PRDM16: variants seen among roughly 807,000 people sequenced by gnomAD.
PRDM16 encodes the protein histone-lysine N-methyltransferase PRDM16.
A neutral mutation model predicts 110.6 loss-of-function variants in PRDM16; 23 were observed. That is an observed-to-expected ratio of 0.21 (90% CI 0.15 to 0.29). The LOEUF is 0.29. PRDM16 is among the 10% of genes least tolerant of loss of function. The pLI is 1.00. For missense variants in PRDM16, 1,615 were observed against 1,794.3 expected (o/e 0.90, Z 1.81); for synonymous variants, 799 against 781.8 (o/e 1.02, Z -0.37).
intron 1 of PRDM16, among the ~76,000 whole-genome samples, chr1:3,071,974 C>T (rs1385735310): frequency 2.0e-5 from 3 of 152,142 alleles, no homozygotes; most frequent in East Asian, 1.9e-4. Context: ...GTGGCGGCTC[C>T]GGGGGTGACC....
At chr1:3,134,897 C>T (rs924737329) in intron 1 of PRDM16, among the ~76,000 whole-genome samples, 1 of 152,184 alleles carries the variant, frequency 6.6e-6, no homozygotes, top group Non-Finnish European at 1.5e-5. Context: ...GAGAGCCCGG[C>T]GAGGGGATCG....
At chr1:3,188,045 G>C (rs1557515593) in intron 2 of PRDM16, among the ~76,000 whole-genome samples, 1 of 152,184 alleles carries the variant, frequency 6.6e-6, no homozygotes, top group Non-Finnish European at 1.5e-5. Flanking sequence ...GACAGGGAGA[G>C]AGTTTGGAGT....
At chr1:3,409,834 G>GGTGTGTGGTGTGTGTATGTGGGT in intron 8 of PRDM16, among the ~76,000 whole-genome samples, 1 of 125,800 alleles carries the variant, frequency 7.9e-6, no homozygotes, top group Non-Finnish European at 1.7e-5. Flanking sequence ...GTTGTGTGTG[G>GGTGTGTGGTGTGTGTATGTGGGT]GTGTGTGGTG....
intron 1 of PRDM16, among the ~76,000 whole-genome samples, chr1:3,181,220 AGTCTTACACACG>A (rs1464338605): frequency 0.088 from 4,182 of 47,542 alleles, 267 homozygotes; most frequent in Non-Finnish European, 0.15. Context: ...TTACACACGC[AGTCTTACACACG>A]GTCTTACACA....
At chr1:3,298,149 G>T (rs1641130260) in intron 3 of PRDM16, among the ~76,000 whole-genome samples, 2 of 152,266 alleles carry the variant, frequency 1.3e-5, no homozygotes, top group South Asian at 4.1e-4. Flanking sequence ...GGGAATACGT[G>T]TAAGTGACAG....
Position 3,412,219 on chromosome 1 carries a change from C to G in PRDM16, c.2022C>G (p.Phe674Leu). Residue 674 changes from phenylalanine to leucine, a missense_variant, in exon 9 of 17, where the codon TTC becomes TTG. Phe to Leu is a conservative substitution (Grantham distance 22). Coordinates refer to ENST00000270722, the MANE Select transcript of PRDM16 (RefSeq NM_022114.4). Reference sequence around the variant, plus strand: ...CTGTCTTCTATTCCCAGCACTCATTCTTCCCGCCACCCGACGAGCAGCTGC... The same window carrying G: ...CTGTCTTCTATTCCCAGCACTCATTGTTCCCGCCACCCGACGAGCAGCTGC... Reference protein sequence around the residue: ...EVPVFYSQHSFFPPPDEQLLT... With the variant: ...EVPVFYSQHSLFPPPDEQLLT... The G allele has an allele frequency of 6.2e-7, 1 of 1,607,628 alleles. No homozygotes were observed. Among genetic ancestry groups the G allele is most frequent in the Non-Finnish European group, 8.5e-7 (1 of 1,175,614 alleles).
At chr1:3,174,825 G>T (rs942920036) in intron 1 of PRDM16, among the ~76,000 whole-genome samples, 1 of 152,184 alleles carries the variant, frequency 6.6e-6, no homozygotes, top group African/African-American at 2.4e-5. Flanking sequence ...GGGGTTCAAC[G>T]TTCCCCAGTC....
At chr1:3,147,102 G>A (rs758838090) in intron 1 of PRDM16, among the ~76,000 whole-genome samples, 5 of 149,960 alleles carry the variant, frequency 3.3e-5, no homozygotes, top group Non-Finnish European at 7.4e-5. Context: ...TGTGGGGTGT[G>A]TGTACGCGTG....
At chr1:3,267,726 G>C (rs1412629570) in intron 3 of PRDM16, among the ~76,000 whole-genome samples, 1 of 152,194 alleles carries the variant, frequency 6.6e-6, no homozygotes, top group Non-Finnish European at 1.5e-5. Context: ...CCCTCCTTCT[G>C]AAAGTTGAGC....
chr1:3,346,003 G>A (rs564035576), intron 3 of PRDM16, among the ~76,000 whole-genome samples: 3 of 152,392 alleles, frequency 2.0e-5, no homozygotes, highest in South Asian at 2.1e-4. Flanking sequence ...GGGGCTGCCT[G>A]TGAGCGTGCA....
rs1641609425 is a variant in PRDM16 at position 3,316,649 on chromosome 1, C to CACAGTGACACAGGATAGACAGGAA, written c.439-68490_439-68489insATAGACAGGAAACAGTGACACAGG. On this transcript the variant is annotated intron_variant, in intron 3 of 16. Coordinates refer to ENST00000270722, the MANE Select transcript of PRDM16 (RefSeq NM_022114.4). ...ACACAGGGTAGGCAGAAAACAGTGA[C>CACAGTGACACAGGATAGACAGGAA]ACAGTGACACAGGGTAGACAGGAAA... 3.4e-5 allele frequency among the ~76,000 whole-genome samples: 5 copies of CACAGTGACACAGGATAGACAGGAA among 145,304 alleles called. No homozygotes were observed. The East Asian group carries it at 1.1e-3, about 33-fold the overall frequency.
At chr1:3,090,480 C>G (rs1014853695) in intron 1 of PRDM16, among the ~76,000 whole-genome samples, 4 of 152,242 alleles carry the variant, frequency 2.6e-5, no homozygotes, top group Non-Finnish European at 2.9e-5. Context: ...CTGAGACCAC[C>G]CATGAAACGT....
chr1:3,106,153 G>A (rs1018334036), intron 1 of PRDM16, among the ~76,000 whole-genome samples: 1 of 152,356 alleles, frequency 6.6e-6, no homozygotes, highest in Admixed American at 6.5e-5. Flanking sequence ...TGGCAGGGTG[G>A]GCGGGGTATG....
intron 1 of PRDM16, among the ~76,000 whole-genome samples, chr1:3,116,589 G>A (rs111257317): frequency 0.04 from 6,026 of 152,140 alleles, 394 homozygotes; most frequent in African/African-American, 0.14. Flanking sequence ...CTCTCTCCCC[G>A]CCCGGGACAG....
At chr1:3,212,696 T>TCATCCTCCCGGCCCCCTCC (rs1330008564) in intron 2 of PRDM16, among the ~76,000 whole-genome samples, 5 of 74,136 alleles carry the variant, frequency 6.7e-5, no homozygotes, top group African/African-American at 5.0e-4. Context: ...TGCGGTCCTC[T>TCATCCTCCCGGCCCCCTCC]CTGCCACTGT....
intron 10 of PRDM16, among the ~76,000 whole-genome samples, chr1:3,415,724 C>T (rs1174739127): frequency 6.6e-6 from 1 of 152,260 alleles, no homozygotes; most frequent in African/African-American, 2.4e-5. Context: ...CATTGTCCCT[C>T]CTGCCCGCTG....
intron 2 of PRDM16, among the ~76,000 whole-genome samples, chr1:3,230,741 G>A (rs1462197647): frequency 7.2e-5 from 11 of 152,234 alleles, no homozygotes; most frequent in Non-Finnish European, 1.5e-4. Flanking sequence ...CTGCCTGCCT[G>A]TCTCGCTGGC....
Position 3,070,059 on chromosome 1 carries a change from A to T in PRDM16, c.37+763A>T, listed in dbSNP as rs551540089. ...AGCCTGCGCGGGCCGCCGGGGCGAC[A>T]GTGCCTCCGACAGGAGGGACCCACC... On this transcript the variant is annotated intron_variant, in intron 1 of 16. Transcript: ENST00000270722. 2.1e-3 allele frequency among the ~76,000 whole-genome samples: 325 copies of T among 151,914 alleles called. 1 individual carries two copies. The highest frequency in any genetic ancestry group is 3.2e-3 in the Non-Finnish European group (215 of 67,888).
At chr1:3,383,412 C>A (rs1180316517) in intron 3 of PRDM16, among the ~76,000 whole-genome samples, 1 of 152,174 alleles carries the variant, frequency 6.6e-6, no homozygotes, top group African/African-American at 2.4e-5. Flanking sequence ...AACAAGGAGA[C>A]TGAGAGCAAG....
Sources: allele counts gnomAD v4.1 joint callset (sites outside exome capture counted in the v4.1 genomes callset), GRCh38; gene constraint gnomAD v4.1.1; transcripts MANE v1.5; gene names NCBI Gene and HGNC (gene_info 2026-07-23, HGNC 2026-07-21).